The following EMSY variants were observed in gnomAD, a reference collection of about 807,000 sequenced individuals.
EMSY encodes the protein EMSY transcriptional repressor, BRCA2 interacting, also known as BRCA2-interacting transcriptional repressor EMSY.
A neutral mutation model predicts 134.6 loss-of-function variants in EMSY; 26 were observed. That is an observed-to-expected ratio of 0.19 (90% CI 0.14 to 0.27). The LOEUF is 0.27. Ranked by LOEUF, EMSY falls within the 10% of genes least tolerant of loss-of-function variation. The pLI, the probability that EMSY is intolerant of heterozygous loss-of-function variation, is 1.00. For missense variants in EMSY, 1,305 were observed against 1,611.4 expected (o/e 0.81, Z 3.26); for synonymous variants, 579 against 577.8 (o/e 1.00, Z -0.03).
chr11:76,467,292 T>A (rs1464144760), intron 7 of EMSY, among the ~76,000 whole-genome samples: 3 of 152,214 alleles, frequency 2.0e-5, no homozygotes, highest in African/African-American at 4.8e-5. Flanking sequence ...TGTTGCTGGA[T>A]CTTATTTTCT....
intron 18 of EMSY, 56 bp from the exon 20 acceptor site, chr11:76,544,203 G>T: frequency 6.8e-7 from 1 of 1,478,072 alleles, no homozygotes; most frequent in East Asian, 2.3e-5. Flanking sequence ...AGAGGAAAAT[G>T]TAGCAATGTA....
intron 8 of EMSY, among the ~76,000 whole-genome samples, chr11:76,492,078 A>G (rs1253723615): frequency 6.6e-6 from 1 of 152,236 alleles, no homozygotes; most frequent in Non-Finnish European, 1.5e-5. Flanking sequence ...AGCATAAAGT[A>G]TGTACTCAAG....
chr11:76,499,694 C>T (rs1441819913), intron 9 of EMSY, among the ~76,000 whole-genome samples: 1 of 151,902 alleles, frequency 6.6e-6, no homozygotes, highest in Non-Finnish European at 1.5e-5. Context: ...TCTTTTGTTT[C>T]TTGTTTCTTT....
At position 76,453,402 on chromosome 11, in the gene EMSY, C is replaced by A; in HGVS notation, c.245+14C>A. On this transcript the variant is annotated intron_variant, in intron 4 of 20. Coordinates refer to ENST00000334736, the Ensembl canonical transcript of EMSY. ...AATTGCACATAAGTAAGCCATTAGT[C>A]GTACCATCCCTGATTTTTTATGACA... 6.2e-7 allele frequency: 1 copy of A among 1,608,554 alleles called. No individual in the cohort carries two copies. Among genetic ancestry groups the A allele is most frequent in the Non-Finnish European group, 8.5e-7 (1 of 1,176,322 alleles).
chr11:76,479,615 C>A (rs917695430), intron 8 of EMSY, among the ~76,000 whole-genome samples: 9 of 152,136 alleles, frequency 5.9e-5, no homozygotes, highest in Non-Finnish European at 1.0e-4. Flanking sequence ...GACAAGGACA[C>A]AAAGAAGCAC....
chr11:76,545,752 CAA>C (rs952330340), intron 19 of EMSY, 43 bp from the exon 21 acceptor site: 2 of 1,539,044 alleles, frequency 1.3e-6, no homozygotes, highest in African/African-American at 2.8e-5. Context: ...TAGATTTTCT[CAA>C]AGAGATGTAG....
Position 76,483,384 on chromosome 11 carries a change from A to C in EMSY, c.1108+10544A>C, listed in dbSNP as rs1949057105. ...AACCAGCTGGCATCATAATGACAGG[A>C]TCAGATTCACACATAACAATATTAA... On this transcript the variant is annotated intron_variant, in intron 8 of 20. Coordinates refer to ENST00000334736, the Ensembl canonical transcript of EMSY. Among the ~76,000 whole-genome samples, 3 of 152,326 alleles carry C rather than the reference A, an allele frequency of 2.0e-5. 1 individual carries two copies. The South Asian group carries it at 6.2e-4, about 32-fold the overall frequency.
exon 21 of EMSY, chr11:76,550,767 T>G (rs1361381795): frequency 6.6e-6 from 1 of 152,362 alleles, no homozygotes; most frequent in Non-Finnish European, 1.5e-5. Flanking sequence ...GCTAATTTAT[T>G]GTATTGTTCC....
At chr11:76,520,275 T>G (rs1950596769) in intron 11 of EMSY, among the ~76,000 whole-genome samples, 1 of 152,174 alleles carries the variant, frequency 6.6e-6, no homozygotes, top group Admixed American at 6.5e-5. Context: ...CTTGTGGACT[T>G]GGTTTGCAAC....
chr11:76,453,536 A>G, intron 4 of EMSY, 148 bp downstream of exon 4: 1 of 631,082 alleles, frequency 1.6e-6, no homozygotes, highest in East Asian at 3.2e-5. Context: ...AGTAAAAGTG[A>G]TATTAACTGT....
chr11:76,551,690 C>T (rs1184706636), downstream of EMSY: 2 of 152,128 alleles, frequency 1.3e-5, no homozygotes, highest in Non-Finnish European at 2.9e-5. Flanking sequence ...AACTTTGTGA[C>T]TGTTTCTAGT....
chr11:76,496,415 C>G (rs760577895), exon 9 of EMSY: 2 of 1,614,120 alleles, frequency 1.2e-6, no homozygotes, highest in Admixed American at 3.3e-5. Context: ...ACAGCCTCAG[C>G]AGTCTCCTTT....
intron 18 of EMSY, among the ~76,000 whole-genome samples, chr11:76,542,746 GTTTT>G (rs1055512705): frequency 3.6e-5 from 2 of 55,708 alleles, no homozygotes; most frequent in Admixed American, 1.4e-4. Flanking sequence ...TTTGTTTTTC[GTTTT>G]TTGTTTTTTT....
intron 9 of EMSY, 169 bp downstream of exon 10, chr11:76,496,638 T>C (rs1949669025): frequency 1.3e-6 from 1 of 773,400 alleles, no homozygotes; most frequent in Admixed American, 2.1e-5. Context: ...TTGTTAGATT[T>C]GTACCTAAGC....
chr11:76,463,186 G>A (rs573582890), intron 6 of EMSY, among the ~76,000 whole-genome samples: 2 of 152,172 alleles, frequency 1.3e-5, no homozygotes, highest in South Asian at 2.1e-4. Context: ...CTGTGGTGGC[G>A]GGCATATGTA....
chr11:76,505,170 T>G (rs1202720483), intron 9 of EMSY, among the ~76,000 whole-genome samples: 1 of 152,172 alleles, frequency 6.6e-6, no homozygotes, highest in Non-Finnish European at 1.5e-5. Context: ...GTCAATTATA[T>G]TTTGATAAAG....
At position 76,486,919 on chromosome 11, in the gene EMSY, A is replaced by G. The variant is rs140448254; in HGVS notation, c.1109-9296A>G. ...GACTAGAGCAGTGTTCATTTATAAC[A>G]GAATAACAAATCATGTCAGTTTATA... On this transcript the variant is annotated intron_variant, in intron 8 of 20. Transcript: ENST00000334736. 4.7e-4 allele frequency among the ~76,000 whole-genome samples: 72 copies of G among 152,366 alleles called. 1 individual carries two copies. Among genetic ancestry groups the G allele is most frequent in the African/African-American group, 1.7e-3 (72 of 41,598 alleles).
intron 9 of EMSY, among the ~76,000 whole-genome samples, chr11:76,501,037 G>A (rs1396459417): frequency 1.3e-5 from 2 of 152,076 alleles, no homozygotes; most frequent in Non-Finnish European, 2.9e-5. Flanking sequence ...ACACCCTCCT[G>A]TATACTTTAA....
intron 2 of EMSY, among the ~76,000 whole-genome samples, chr11:76,450,361 A>G (rs1947609496): frequency 1.3e-5 from 2 of 152,106 alleles, no homozygotes; most frequent in Admixed American, 1.3e-4. Context: ...TATTTCCTTC[A>G]CTACTCTGAG....
Sources: gnomAD v4.1 joint callset for allele counts (sites outside exome capture counted in the v4.1 genomes callset) on GRCh38, gnomAD v4.1.1 for gene constraint, MANE v1.5 for transcripts, NCBI Gene and HGNC (gene_info 2026-07-23, HGNC 2026-07-21) for gene names.